ATF7: variants seen among roughly 807,000 people sequenced by gnomAD.
The protein encoded by ATF7 is cyclic AMP-dependent transcription factor ATF-7.
In ATF7, 10 loss-of-function variants were observed where a neutral mutation model predicts 50.4. The ratio of observed to expected loss-of-function variants is 0.20; its 90% CI spans 0.12 to 0.34. The LOEUF (loss-of-function observed/expected upper bound fraction) is 0.34, where lower values mean the gene tolerates loss of function less well. Among genes scored for constraint, ATF7 ranks in the 10% least tolerant of loss-of-function variants. The pLI, the probability that ATF7 is intolerant of heterozygous loss-of-function variation, is 1.00. For synonymous variants in ATF7, 201 were observed against 226.4 expected (o/e 0.89, Z 1.01); for missense variants, 465 against 613.9 (o/e 0.76, Z 2.56).
intron 2 of ATF7, among the ~76,000 whole-genome samples, chr12:53,564,170 T>A (rs1941311618): frequency 6.6e-6 from 1 of 152,166 alleles, no homozygotes; most frequent in Admixed American, 6.5e-5. Flanking sequence ...AGGCTAGGCG[T>A]TTGAGACCAG....
intron 2 of ATF7, among the ~76,000 whole-genome samples, chr12:53,565,790 G>A (rs1354070917): frequency 2.6e-5 from 4 of 152,050 alleles, no homozygotes; most frequent in African/African-American, 9.7e-5. Flanking sequence ...CCTGTGCCTG[G>A]CCCCCTTCTC....
chr12:53,578,935 T>A (rs1450009554), intron 2 of ATF7, among the ~76,000 whole-genome samples: 1 of 152,102 alleles, frequency 6.6e-6, no homozygotes, highest in African/African-American at 2.4e-5. Context: ...CGAAGGCACC[T>A]GGTGGTTTCT....
intron 3 of ATF7, among the ~76,000 whole-genome samples, chr12:53,545,214 G>A (rs1029687668): frequency 3.9e-5 from 6 of 152,090 alleles, no homozygotes; most frequent in South Asian, 2.1e-4. Context: ...CACTTTGCAG[G>A]TGGCCTCTAA....
At chr12:53,580,018 C>G (rs920420386) in intron 2 of ATF7, among the ~76,000 whole-genome samples, 1 of 151,992 alleles carries the variant, frequency 6.6e-6, no homozygotes, top group African/African-American at 2.4e-5. Context: ...GCCACCTCCA[C>G]CTCCTAGGTT....
chr12:53,568,904 G>T (rs565778115), intron 2 of ATF7, among the ~76,000 whole-genome samples: 1 of 152,300 alleles, frequency 6.6e-6, no homozygotes, highest in African/African-American at 2.4e-5. Flanking sequence ...GCTCATGCTG[G>T]TAATCCCAGC....
intron 1 of ATF7, among the ~76,000 whole-genome samples, chr12:53,603,385 A>G (rs1943477423): frequency 6.6e-6 from 1 of 150,890 alleles, no homozygotes; most frequent in African/African-American, 2.4e-5. Context: ...TTTCTGAAAG[A>G]AAAAAAAACA....
chr12:53,550,204 A>G (rs975572234), intron 3 of ATF7, among the ~76,000 whole-genome samples: 1 of 151,660 alleles, frequency 6.6e-6, no homozygotes, highest in African/African-American at 2.4e-5. Context: ...CGCGCCTACA[A>G]TCCCAGCTAC....
chr12:53,550,920 G>A (rs973915926), intron 3 of ATF7, among the ~76,000 whole-genome samples: 1 of 152,178 alleles, frequency 6.6e-6, no homozygotes, highest in African/African-American at 2.4e-5. Context: ...ACTTGGTATA[G>A]ACCCTTCTAC....
chr12:53,548,473 G>A (rs1022278070), intron 3 of ATF7, among the ~76,000 whole-genome samples: 1 of 151,742 alleles, frequency 6.6e-6, no homozygotes, highest in Non-Finnish European at 1.5e-5. Flanking sequence ...CTGGGACTAC[G>A]TGCATGCGCC....
In ATF7 at chr12:53,536,941, C is replaced by G. The variant is rs543444976; in HGVS notation, c.402+474G>C. Among the ~76,000 whole-genome samples, 6 of 152,230 alleles carry G rather than the reference C, an allele frequency of 3.9e-5. No homozygotes were observed. In the East Asian group the frequency reaches 1.2e-3, roughly 30 times the overall value. ...TTGCTATGAACATTCTAACATACTT[C>G]TTTTGGTAGACATATGCACTAATTT... is the stretch of plus-strand genomic sequence containing the variant. On this transcript the variant is annotated intron_variant, in intron 5 of 11. Transcript: ENST00000420353.
intron 1 of ATF7, among the ~76,000 whole-genome samples, chr12:53,608,093 G>A (rs1943690878): frequency 6.6e-6 from 1 of 151,702 alleles, no homozygotes; most frequent in African/African-American, 2.4e-5. Flanking sequence ...GGTGGTGCAT[G>A]CCTGTAGTCC....
intron 1 of ATF7, among the ~76,000 whole-genome samples, chr12:53,623,675 G>A (rs1944492047): frequency 6.6e-6 from 1 of 152,146 alleles, no homozygotes; most frequent in Non-Finnish European, 1.5e-5. Flanking sequence ...ACGTGGATAG[G>A]AGGCTGCTGT....
intron 1 of ATF7, among the ~76,000 whole-genome samples, chr12:53,625,360 G>A (rs1944560756): frequency 6.6e-6 from 1 of 152,082 alleles, no homozygotes; most frequent in Non-Finnish European, 1.5e-5. Context: ...CAGCATCTTG[G>A]AGGCTGGTCA....
chr12:53,545,287 G>A (rs1252570140), intron 3 of ATF7, among the ~76,000 whole-genome samples: 2 of 152,076 alleles, frequency 1.3e-5, no homozygotes, highest in Non-Finnish European at 2.9e-5. Context: ...CCCTGAACCT[G>A]CTCTAATGAA....
intron 2 of ATF7, among the ~76,000 whole-genome samples, chr12:53,598,035 A>G (rs1053928517): frequency 1.3e-5 from 2 of 152,170 alleles, no homozygotes; most frequent in Admixed American, 6.5e-5. Context: ...ATGGATTACA[A>G]ATAGTTTGAA....
At chr12:53,618,785 T>A (rs567183436) in intron 1 of ATF7, among the ~76,000 whole-genome samples, 85 of 152,006 alleles carry the variant, frequency 5.6e-4, no homozygotes, top group Non-Finnish European at 1.1e-3. Context: ...GACGCGATGG[T>A]TCTTGCCTGT....
chr12:53,572,830 G>C (rs1941845853), intron 2 of ATF7, among the ~76,000 whole-genome samples: 1 of 150,282 alleles, frequency 6.7e-6, no homozygotes, highest in African/African-American at 2.5e-5. Flanking sequence ...CTGTCACCCA[G>C]GCTGGAGTGC....
chr12:53,541,100 A>G (rs1361214499), intron 4 of ATF7, among the ~76,000 whole-genome samples: 2 of 152,198 alleles, frequency 1.3e-5, no homozygotes, highest in African/African-American at 4.8e-5. Context: ...GAACTTGGAA[A>G]TAACTCCAGT....
chr12:53,614,843 G>A (rs183812484), intron 1 of ATF7, among the ~76,000 whole-genome samples: 1 of 152,338 alleles, frequency 6.6e-6, no homozygotes, highest in East Asian at 1.9e-4. Flanking sequence ...CACTTTGGGA[G>A]GCCAAGGCAG....
Sources: gnomAD v4.1 joint callset for allele counts (sites outside exome capture counted in the v4.1 genomes callset) on GRCh38, gnomAD v4.1.1 for gene constraint, MANE v1.5 for transcripts, NCBI Gene and HGNC (gene_info 2026-07-23, HGNC 2026-07-21) for gene names.